WWOX: variants seen among roughly 807,000 people sequenced by gnomAD.
The protein encoded by WWOX is WW domain containing oxidoreductase, also known as WW domain-containing oxidoreductase.
WWOX carries 69 observed loss-of-function variants against 46.2 expected under a neutral mutation model. The observed-to-expected ratio is 1.49, with a 90% CI of 1.23 to 1.82. WWOX has a LOEUF of 1.82. Among genes scored for constraint, WWOX ranks in the 40% most tolerant of loss-of-function variants. The probability of loss-of-function intolerance (pLI) is 0.00; values close to 1 mark genes in which losing one functional copy is unlikely to be tolerated. For synonymous variants in WWOX, 359 were observed against 202.6 expected, an observed-to-expected ratio of 1.77 and a Z score of -6.56; for missense variants, 919 against 542.6, an observed-to-expected ratio of 1.69 and a Z score of -6.89.
At chr16:78,320,533 G>T (rs2080445548) in intron 5 of WWOX, among the ~76,000 whole-genome samples, 1 of 152,150 alleles carries the variant, frequency 6.6e-6, no homozygotes, top group Non-Finnish European at 1.5e-5. Context: ...CCCAAAGTGG[G>T]CTTCCTTTGC....
chr16:78,606,688 C>A (rs868265900), intron 8 of WWOX, among the ~76,000 whole-genome samples: 2 of 145,712 alleles, frequency 1.4e-5, no homozygotes, highest in Admixed American at 6.9e-5. Context: ...CCGATTAGGA[C>A]GACTGAAAGG....
At chr16:78,131,741 G>A (rs1456455338) in intron 4 of WWOX, among the ~76,000 whole-genome samples, 9 of 151,458 alleles carry the variant, frequency 5.9e-5, no homozygotes, top group African/African-American at 1.9e-4. Context: ...GTGCCACCAC[G>A]CCCAGCTATT....
chr16:79,131,337 T>G (rs1393313521), intron 8 of WWOX, among the ~76,000 whole-genome samples: 1 of 152,098 alleles, frequency 6.6e-6, no homozygotes, highest in Non-Finnish European at 1.5e-5. Context: ...AAAATTAGTT[T>G]GCACATGAGG....
chr16:78,963,871 G>C (rs1320378792), intron 8 of WWOX, among the ~76,000 whole-genome samples: 1 of 152,168 alleles, frequency 6.6e-6, no homozygotes, highest in Non-Finnish European at 1.5e-5. Flanking sequence ...CCCAGGGAGA[G>C]GTAATTGAAT....
intron 8 of WWOX, among the ~76,000 whole-genome samples, chr16:78,829,613 A>C (rs147423887): frequency 1.9e-3 from 282 of 152,238 alleles, no homozygotes; most frequent in African/African-American, 6.5e-3. Flanking sequence ...AGGCACATAT[A>C]GTCAATCATC....
chr16:78,475,715 C>T (rs1297557256), intron 8 of WWOX, among the ~76,000 whole-genome samples: 1 of 152,184 alleles, frequency 6.6e-6, no homozygotes, highest in Non-Finnish European at 1.5e-5. Context: ...GATGTCTCAG[C>T]CTCCCCAGTA....
chr16:78,727,557 C>A (rs537831925), intron 8 of WWOX, among the ~76,000 whole-genome samples: 1 of 152,292 alleles, frequency 6.6e-6, no homozygotes, highest in East Asian at 1.9e-4. Flanking sequence ...AGGTCTGGGT[C>A]CTGAGTTCCA....
intron 8 of WWOX, among the ~76,000 whole-genome samples, chr16:78,581,637 G>T (rs181723848): frequency 6.6e-6 from 1 of 152,160 alleles, no homozygotes. Context: ...TTTCCCGTGG[G>T]CCCCTTTTCA....
intron 8 of WWOX, among the ~76,000 whole-genome samples, chr16:79,115,819 A>G (rs1422183155): frequency 1.3e-5 from 2 of 152,240 alleles, no homozygotes; most frequent in Non-Finnish European, 1.5e-5. Context: ...AACAGAGAGC[A>G]TATACACCAG....
chr16:79,000,314 C>G (rs1023889751), intron 8 of WWOX, among the ~76,000 whole-genome samples: 2 of 152,194 alleles, frequency 1.3e-5, no homozygotes, highest in African/African-American at 4.8e-5. Flanking sequence ...TGTCCAGGCC[C>G]TACTCCTAAT....
chr16:78,380,424 T>C (rs999675838), intron 5 of WWOX, among the ~76,000 whole-genome samples: 1 of 152,132 alleles, frequency 6.6e-6, no homozygotes, highest in Non-Finnish European at 1.5e-5. Flanking sequence ...GCTATAGGGA[T>C]AAATAACTGC....
At chr16:78,851,002 C>T (rs1157567824) in intron 8 of WWOX, among the ~76,000 whole-genome samples, 5 of 152,154 alleles carry the variant, frequency 3.3e-5, no homozygotes, top group Admixed American at 6.5e-5. Flanking sequence ...GTTTCTTTTG[C>T]AGCTCCTAGA....
chr16:79,052,872 A>G (rs2550679), intron 8 of WWOX, among the ~76,000 whole-genome samples: 80,915 of 151,410 alleles, frequency 0.53, 21,814 homozygotes, highest in African/African-American at 0.57. Context: ...GTGGATGGCA[A>G]GAAGATAATT....
intron 8 of WWOX, among the ~76,000 whole-genome samples, chr16:78,823,626 C>A (rs920415366): frequency 1.3e-5 from 2 of 152,112 alleles, no homozygotes; most frequent in African/African-American, 4.8e-5. Flanking sequence ...CAGACCCAGT[C>A]ACTGGTGTCA....
Position 78,116,341 on chromosome 16 carries a change from T to A in WWOX, c.409+1187T>A, listed in dbSNP as rs540003443. Among the ~76,000 whole-genome samples, 20 of 152,326 alleles carry A rather than the reference T, an allele frequency of 1.3e-4. No homozygotes were observed. In the South Asian group the frequency reaches 2.5e-3, roughly 19 times the overall value. On this transcript the variant is annotated intron_variant, in intron 4 of 8. Coordinates refer to ENST00000566780, the MANE Select transcript of WWOX (RefSeq NM_016373.4). ...CTGCAGAAATATTTTCTAGCATGAT[T>A]AGGGAGGCACAGGAGGTAAAAATAC...
intron 8 of WWOX, among the ~76,000 whole-genome samples, chr16:78,849,828 T>C (rs2052396976): frequency 6.6e-6 from 1 of 152,004 alleles, no homozygotes; most frequent in African/African-American, 2.4e-5. Context: ...ATCCCAGCAC[T>C]TTGGGAGGCC....
At chr16:79,092,302 C>T (rs1193665830) in intron 8 of WWOX, among the ~76,000 whole-genome samples, 1 of 152,120 alleles carries the variant, frequency 6.6e-6, no homozygotes, top group Non-Finnish European at 1.5e-5. Context: ...GAGGGGAAGC[C>T]TTTGGGAGCT....
intron 8 of WWOX, among the ~76,000 whole-genome samples, chr16:78,865,557 GAGGCAAGGT>G (rs2043985344): frequency 6.6e-6 from 1 of 152,096 alleles, no homozygotes; most frequent in South Asian, 2.1e-4. Context: ...AGAATGAATT[GAGGCAAGGT>G]AGGTAAAGTG....
At chr16:78,195,846 A>G (rs1330584750) in intron 5 of WWOX, among the ~76,000 whole-genome samples, 1 of 151,812 alleles carries the variant, frequency 6.6e-6, no homozygotes, top group African/African-American at 2.4e-5. Flanking sequence ...AAAAAGAAAA[A>G]AAAAAGATTG....
Sources: gnomAD v4.1 joint callset for allele counts (sites outside exome capture counted in the v4.1 genomes callset) on GRCh38, gnomAD v4.1.1 for gene constraint, MANE v1.5 for transcripts, NCBI Gene and HGNC (gene_info 2026-07-23, HGNC 2026-07-21) for gene names.